Variants in ASIC2 observed in about 807,000 individuals in gnomAD.
ASIC2 encodes acid-sensing ion channel 2.
In ASIC2, 25 loss-of-function variants were observed where a neutral mutation model predicts 57.3. The ratio of observed to expected loss-of-function variants is 0.44; its 90% confidence interval spans 0.32 to 0.61. The LOEUF is 0.61. ASIC2 is among the 20% of genes least tolerant of loss of function. The probability of loss-of-function intolerance (pLI) is 0.06; values close to 1 mark genes in which losing one functional copy is unlikely to be tolerated. For synonymous variants in ASIC2, 319 were observed against 307.5 expected, an observed-to-expected ratio of 1.04 and a Z score of -0.39; for missense variants, 641 against 738.1, an observed-to-expected ratio of 0.87 and a Z score of 1.52.
intron 1 of ASIC2, among the ~76,000 whole-genome samples, chr17:33,719,933 T>A (rs1007293346): frequency 6.6e-5 from 10 of 152,016 alleles, no homozygotes; most frequent in African/African-American, 2.2e-4. Flanking sequence ...CAGGCTGGAG[T>A]GTAGTGGTGC....
At chr17:33,451,993 T>C (rs1912269445) in intron 1 of ASIC2, among the ~76,000 whole-genome samples, 1 of 152,200 alleles carries the variant, frequency 6.6e-6, no homozygotes, top group Admixed American at 6.5e-5. Flanking sequence ...ATGCACGCAG[T>C]ACACATTCAC....
Position 33,917,852 on chromosome 17 carries a change from C to T in ASIC2, c.555+238126G>A, listed in dbSNP as rs183296110. ...GTTTAGCTTACCAGACCATAAAGCC[C>T]GGTACACACACACACACACACACAC... is the stretch of plus-strand genomic sequence containing the variant. On this transcript the variant is annotated intron_variant, in intron 1 of 9. Transcript: ENST00000359872. Among the ~76,000 whole-genome samples the T allele has an allele frequency of 1.3e-4, 16 of 119,076 alleles. No individual in the cohort carries two copies. In the East Asian group the frequency reaches 1.9e-3, roughly 14 times the overall value. 78.1% of individuals were successfully genotyped at this position (119,076 alleles called of 152,430 possible).
intron 1 of ASIC2, among the ~76,000 whole-genome samples, chr17:33,438,147 A>G (rs1911693987): frequency 6.6e-6 from 1 of 152,230 alleles, no homozygotes; most frequent in Non-Finnish European, 1.5e-5. Flanking sequence ...TACTTTAACG[A>G]TACCCAATAT....
intron 1 of ASIC2, among the ~76,000 whole-genome samples, chr17:33,885,152 C>T (rs1051074539): frequency 1.3e-5 from 2 of 152,188 alleles, no homozygotes; most frequent in Non-Finnish European, 2.9e-5. Flanking sequence ...GCTGGTAGCA[C>T]AGGCTGGTGT....
chr17:33,573,989 C>A (rs1000944492), intron 1 of ASIC2, among the ~76,000 whole-genome samples: 4 of 152,080 alleles, frequency 2.6e-5, no homozygotes, highest in African/African-American at 4.8e-5. Context: ...ACTCATTTGA[C>A]CATCTCCTTC....
chr17:33,281,190 C>T (rs543131298), intron 1 of ASIC2, among the ~76,000 whole-genome samples: 5 of 152,250 alleles, frequency 3.3e-5, no homozygotes, highest in African/African-American at 1.2e-4. Context: ...GATCAGAGTA[C>T]TGAATGGGGA....
intron 1 of ASIC2, among the ~76,000 whole-genome samples, chr17:33,588,255 T>A (rs552993009): frequency 3.8e-4 from 58 of 152,302 alleles, no homozygotes; most frequent in South Asian, 4.1e-4. Flanking sequence ...GCAGGGAGAA[T>A]GTTATCATGG....
intron 1 of ASIC2, among the ~76,000 whole-genome samples, chr17:33,879,466 T>TA (rs1914642801): frequency 6.6e-6 from 1 of 152,138 alleles, no homozygotes; most frequent in Non-Finnish European, 1.5e-5. Flanking sequence ...TAGTCACTGA[T>TA]AAAACAGACT....
chr17:33,234,222 C>T (rs1259883682), intron 1 of ASIC2, among the ~76,000 whole-genome samples: 1 of 152,218 alleles, frequency 6.6e-6, no homozygotes, highest in African/African-American at 2.4e-5. Context: ...TATATAACTA[C>T]ACCATCCATC....
chr17:33,601,159 A>G (rs1405182201), intron 1 of ASIC2, among the ~76,000 whole-genome samples: 2 of 152,204 alleles, frequency 1.3e-5, no homozygotes, highest in Non-Finnish European at 2.9e-5. Flanking sequence ...TGGCCACATA[A>G]AGAATGAAAG....
chr17:34,018,121 G>T (rs1255928208), intron 1 of ASIC2, among the ~76,000 whole-genome samples: 1 of 152,164 alleles, frequency 6.6e-6, no homozygotes, highest in Admixed American at 6.5e-5. Context: ...CTCTTGTTAG[G>T]CTCTGAATGC....
At chr17:33,874,259 C>G (rs142025561) in intron 1 of ASIC2, among the ~76,000 whole-genome samples, 18 of 152,140 alleles carry the variant, frequency 1.2e-4, no homozygotes, top group Admixed American at 1.3e-4. Context: ...GCTGACCATA[C>G]GAGCAGAAGG....
chr17:33,550,342 G>T (rs917038110), intron 1 of ASIC2, among the ~76,000 whole-genome samples: 1 of 152,232 alleles, frequency 6.6e-6, no homozygotes. Context: ...CTATGTGAGT[G>T]CTGGTGGGCT....
rs12951547 is a variant in ASIC2, at chr17:33,396,511, C to G, written c.556-284444G>C. Among the ~76,000 whole-genome samples, 599 of 152,274 alleles carry G rather than the reference C, an allele frequency of 3.9e-3. 7 individuals carry two copies. Among genetic ancestry groups the G allele is most frequent in the African/African-American group, 0.013 (558 of 41,542 alleles). On this transcript the variant is annotated intron_variant, in intron 1 of 9. Transcript: ENST00000359872. ...GCTCAAATAAATTAAGTGATTTTCTCAGGAACTTATTGCAGGGAAGTGGTG... is the reference window on the plus strand; with the variant it reads ...GCTCAAATAAATTAAGTGATTTTCTGAGGAACTTATTGCAGGGAAGTGGTG...
At chr17:33,969,904 A>T (rs1905177489) in intron 1 of ASIC2, among the ~76,000 whole-genome samples, 1 of 152,022 alleles carries the variant, frequency 6.6e-6, no homozygotes, top group Non-Finnish European at 1.5e-5. Flanking sequence ...CCGATATGTA[A>T]CTTTCCACTC....
chr17:33,612,870 A>G (rs538519063), intron 1 of ASIC2, among the ~76,000 whole-genome samples: 158 of 152,340 alleles, frequency 1.0e-3, no homozygotes, highest in African/African-American at 3.7e-3. Context: ...TATCTTGACA[A>G]ATACATTGCT....
At chr17:33,279,718 A>C (rs555929115) in intron 1 of ASIC2, among the ~76,000 whole-genome samples, 1 of 152,036 alleles carries the variant, frequency 6.6e-6, no homozygotes, top group South Asian at 2.1e-4. Flanking sequence ...CAAGACCCCA[A>C]CTCTATAATT....
intron 1 of ASIC2, among the ~76,000 whole-genome samples, chr17:33,814,937 G>C (rs2141888615): frequency 6.6e-6 from 1 of 152,306 alleles, no homozygotes; most frequent in South Asian, 2.1e-4. Context: ...ATAAATGTCA[G>C]TTGAAATGGG....
intron 1 of ASIC2, among the ~76,000 whole-genome samples, chr17:33,703,090 A>C (rs28597994): frequency 0.14 from 21,774 of 152,150 alleles, 1,628 homozygotes; most frequent in African/African-American, 0.18. Flanking sequence ...AAGCATGAAA[A>C]AAATCTGGAG....
Sources: allele counts gnomAD v4.1 joint callset (sites outside exome capture counted in the v4.1 genomes callset), GRCh38; gene constraint gnomAD v4.1.1; transcripts MANE v1.5; gene names NCBI Gene and HGNC (gene_info 2026-07-23, HGNC 2026-07-21).